The following NUP210L variants were observed in gnomAD, a reference collection of about 807,000 sequenced individuals.
The protein encoded by NUP210L is nucleoporin 210 like.
A neutral mutation model predicts 208.5 loss-of-function variants in NUP210L; 74 were observed. The ratio of observed to expected loss-of-function variants is 0.35; its 90% CI spans 0.29 to 0.43. The LOEUF (loss-of-function observed/expected upper bound fraction) is 0.43, where lower values mean the gene tolerates loss of function less well. Among genes scored for constraint, NUP210L ranks in the 20% least tolerant of loss-of-function variants. The pLI is 1.00. For missense variants in NUP210L, 1,843 were observed against 2,289.4 expected (o/e 0.81, Z 3.98); for synonymous variants, 780 against 816.9 (o/e 0.95, Z 0.77).
chr1:154,068,994 G>T (rs1210586324), intron 17 of NUP210L, among the ~76,000 whole-genome samples: 1 of 151,922 alleles, frequency 6.6e-6, no homozygotes, highest in Non-Finnish European at 1.5e-5. Flanking sequence ...AATAAAAAAA[G>T]AAAGAAAGCT....
intron 27 of NUP210L, among the ~76,000 whole-genome samples, chr1:154,041,221 T>A (rs1652858567): frequency 6.6e-6 from 1 of 152,122 alleles, no homozygotes; most frequent in Non-Finnish European, 1.5e-5. Flanking sequence ...CACCTCAGCC[T>A]CCCAAAATGC....
intron 27 of NUP210L, among the ~76,000 whole-genome samples, chr1:154,042,872 C>G (rs1652967120): frequency 6.6e-6 from 1 of 151,072 alleles, no homozygotes; most frequent in African/African-American, 2.4e-5. Context: ...CCACTATGCC[C>G]AGCTAATTTT....
chr1:153,999,536 C>G (rs901352112), intron 37 of NUP210L, among the ~76,000 whole-genome samples: 1 of 151,818 alleles, frequency 6.6e-6, no homozygotes, highest in East Asian at 2.0e-4. Flanking sequence ...TCAGGAGTTC[C>G]AGACCAGCCT....
At chr1:154,063,392 G>A (rs1571227929) in intron 17 of NUP210L, among the ~76,000 whole-genome samples, 1 of 152,304 alleles carries the variant, frequency 6.6e-6, no homozygotes, top group East Asian at 1.9e-4. Context: ...GGGATCTAAA[G>A]TTGTTGAGGG....
chr1:154,065,500 G>A (rs1654357872), intron 17 of NUP210L, among the ~76,000 whole-genome samples: 1 of 152,098 alleles, frequency 6.6e-6, no homozygotes, highest in Non-Finnish European at 1.5e-5. Flanking sequence ...CCCTAGCTTT[G>A]TAAACAAGGA....
chr1:154,094,838 A>C (rs1483213205), intron 15 of NUP210L, 97 bp downstream of exon 15: 2 of 871,580 alleles, frequency 2.3e-6, no homozygotes, highest in Admixed American at 2.6e-5. Context: ...TTTAGTCCAT[A>C]AACTAAATTC....
At chr1:153,995,826 G>T in intron 37 of NUP210L, 1 of 621,930 alleles carries the variant, frequency 1.6e-6, no homozygotes, top group South Asian at 1.4e-5. Context: ...AAGTTCTTAC[G>T]AGATTGTCCA....
At chr1:153,992,983 C>G in intron 39 of NUP210L, 32 bp downstream of exon 39, 2 of 1,609,758 alleles carry the variant, frequency 1.2e-6, no homozygotes, top group East Asian at 4.5e-5. Context: ...TGTATCTGAG[C>G]TTTTCAAAGA....
Position 154,116,251 on chromosome 1 carries a change from T to C in NUP210L, c.1620+1474A>G, listed in dbSNP as rs1316612526. Among the ~76,000 whole-genome samples the C allele has an allele frequency of 1.9e-4, 20 of 103,884 alleles. No homozygotes were observed. In the Admixed American group the frequency reaches 2.5e-3, roughly 13 times the overall value. The allele number at this position is 103,884 out of a possible 152,430, so 68.2% of individuals were successfully genotyped here. A position where few individuals can be genotyped will look rare whatever the true frequency, so the allele number is the denominator to read the frequency against. On this transcript the variant is annotated intron_variant, in intron 12 of 39. Transcript: ENST00000368559. ...GCCTTGGCGACAGAAAGAGACTCCA[T>C]CTCAAAAAAAAAAAAAAAAAAAATT...
chr1:154,061,120 G>A, intron 18 of NUP210L, 74 bp from the exon 19 acceptor site: 1 of 1,018,398 alleles, frequency 9.8e-7, no homozygotes, highest in Non-Finnish European at 1.5e-6. Context: ...GCTTACGCTT[G>A]TAATCCCAGC....
At chr1:154,039,369 G>A (rs986660449) in intron 27 of NUP210L, among the ~76,000 whole-genome samples, 15 of 151,876 alleles carry the variant, frequency 9.9e-5, no homozygotes, top group Non-Finnish European at 2.2e-4. Flanking sequence ...GACTAGCTGG[G>A]ATTACAGGTG....
At position 154,058,223 on chromosome 1, in the gene NUP210L, GT is replaced by G; in HGVS notation, c.2980-8del. 1.2e-6 allele frequency: 2 copies of G among 1,613,062 alleles called. No homozygotes were observed. Among genetic ancestry groups the G allele is most frequent in the Non-Finnish European group, 1.7e-6 (2 of 1,179,658 alleles). The stretch of plus-strand genomic sequence containing the variant: ...CAGTTTTGTCTATTTCAACCTAGTA[GT>G]TAAAAAGAAAAAGATTTTAGCAAAG... On this transcript the variant is annotated splice_polypyrimidine_tract_variant and splice_region_variant and intron_variant, in intron 21 of 39. Coordinates refer to ENST00000368559, the Ensembl canonical transcript of NUP210L.
chr1:154,101,163 A>G (rs1052924901), intron 13 of NUP210L, among the ~76,000 whole-genome samples: 1 of 104,354 alleles, frequency 9.6e-6, no homozygotes, highest in African/African-American at 3.9e-5. Context: ...CAAGAGTGAA[A>G]CTCTGTCTCA....
At chr1:154,081,125 T>C (rs1170719099) in intron 16 of NUP210L, among the ~76,000 whole-genome samples, 1 of 151,706 alleles carries the variant, frequency 6.6e-6, no homozygotes, top group Non-Finnish European at 1.5e-5. Context: ...TAAGTATAAA[T>C]AAATTTTATG....
intron 17 of NUP210L, among the ~76,000 whole-genome samples, chr1:154,067,595 G>A (rs1289184219): frequency 1.3e-5 from 2 of 152,130 alleles, no homozygotes; most frequent in Admixed American, 6.6e-5. Flanking sequence ...TTCTGGCCAG[G>A]ACAATCAGGC....
At position 154,038,970 on chromosome 1, in the gene NUP210L, T is replaced by C. The variant is rs372227460; in HGVS notation, c.3696+7099A>G. Among the ~76,000 whole-genome samples, 9 of 152,324 alleles carry C rather than the reference T, an allele frequency of 5.9e-5. 2 individuals carry two copies. The South Asian group carries it at 1.9e-3, about 32-fold the overall frequency. ...ATTATATCTTATTATATTGTCTTTG[T>C]CTTGAAAATTTGTAGTTATTTTTAG... On this transcript the variant is annotated intron_variant, in intron 27 of 39. Transcript: ENST00000368559.
chr1:154,126,766 T>C (rs1658001396), intron 9 of NUP210L, among the ~76,000 whole-genome samples: 1 of 152,138 alleles, frequency 6.6e-6, no homozygotes, highest in African/African-American at 2.4e-5. Context: ...ATAAGGACCC[T>C]AGAGAGTGAG....
At chr1:154,116,068 G>A (rs1025723911) in intron 12 of NUP210L, among the ~76,000 whole-genome samples, 2 of 151,698 alleles carry the variant, frequency 1.3e-5, no homozygotes, top group Non-Finnish European at 2.9e-5. Context: ...AGCCTGGCTA[G>A]CACGGTGAAA....
intron 35 of NUP210L, among the ~76,000 whole-genome samples, chr1:154,003,396 C>T (rs1369708198): frequency 4.0e-5 from 6 of 150,972 alleles, no homozygotes; most frequent in Middle Eastern, 3.5e-3. Context: ...TTAGTAGAGA[C>T]GAGGTTTTAC....
Sources: gnomAD v4.1 joint callset for allele counts (sites outside exome capture counted in the v4.1 genomes callset) on GRCh38, gnomAD v4.1.1 for gene constraint, MANE v1.5 for transcripts, NCBI Gene and HGNC (gene_info 2026-07-23, HGNC 2026-07-21) for gene names.